NEBL: variants seen among roughly 807,000 people sequenced by gnomAD.
The protein encoded by NEBL is nebulette, also known as LIM and SH3 protein 2.
NEBL carries 122 observed loss-of-function variants against 140.2 expected under a neutral mutation model. The observed-to-expected ratio is 0.87, with a 90% CI of 0.75 to 1.01. NEBL has a LOEUF of 1.01. Ranked by LOEUF, NEBL falls within the 50% of genes least tolerant of loss-of-function variation. NEBL has a pLI of 0.00. For missense variants in NEBL, 1,365 were observed against 1,231.3 expected, an observed-to-expected ratio of 1.11 and a Z score of -1.62; for synonymous variants, 436 against 398.9, an observed-to-expected ratio of 1.09 and a Z score of -1.11.
chr10:21,160,118 A>T (rs1840495773), intron 2 of NEBL, among the ~76,000 whole-genome samples: 1 of 152,156 alleles, frequency 6.6e-6, no homozygotes, highest in Non-Finnish European at 1.5e-5. Context: ...TCCCATTCAG[A>T]GTAAAGGTTC....
At chr10:21,281,781 C>T (rs1842997019) in intron 1 of NEBL, among the ~76,000 whole-genome samples, 1 of 152,142 alleles carries the variant, frequency 6.6e-6, no homozygotes, top group Admixed American at 6.5e-5. Flanking sequence ...AAGGAACCTA[C>T]AGGATAATTT....
At chr10:20,864,058 C>T (rs1330868772) in intron 7 of NEBL, among the ~76,000 whole-genome samples, 1 of 152,090 alleles carries the variant, frequency 6.6e-6, no homozygotes, top group African/African-American at 2.4e-5. Context: ...GTTTAAAACC[C>T]ATTCTTATCA....
intron 17 of NEBL, among the ~76,000 whole-genome samples, chr10:20,828,103 T>C (rs1324945776): frequency 6.6e-6 from 1 of 152,014 alleles, no homozygotes; most frequent in Non-Finnish European, 1.5e-5. Flanking sequence ...GCTGATGCAA[T>C]TCCTCTTCCT....
At chr10:21,265,077 C>T (rs11012626) in intron 1 of NEBL, among the ~76,000 whole-genome samples, 2 of 151,934 alleles carry the variant, frequency 1.3e-5, no homozygotes, top group Admixed American at 6.6e-5. Flanking sequence ...TGTGCGCCAC[C>T]GTGCCCGACT....
chr10:20,833,228 G>GT (rs1300481442), intron 14 of NEBL, among the ~76,000 whole-genome samples: 7 of 152,124 alleles, frequency 4.6e-5, no homozygotes, highest in Non-Finnish European at 8.8e-5. Context: ...GCAGAAGTGT[G>GT]TTTATAGTCT....
chr10:21,167,091 C>G (rs544398162), intron 2 of NEBL, among the ~76,000 whole-genome samples: 1 of 152,322 alleles, frequency 6.6e-6, no homozygotes, highest in Admixed American at 6.5e-5. Flanking sequence ...CTGTGCTGAC[C>G]GTTCTGGGTG....
chr10:21,022,384 G>A (rs1374473385), intron 2 of NEBL, among the ~76,000 whole-genome samples: 3 of 152,164 alleles, frequency 2.0e-5, no homozygotes, highest in Admixed American at 6.5e-5. Flanking sequence ...ATTTGTCGGT[G>A]CAGATAAAGC....
chr10:20,791,325 A>G (rs1257324001), intron 26 of NEBL, among the ~76,000 whole-genome samples: 2 of 152,224 alleles, frequency 1.3e-5, no homozygotes, highest in African/African-American at 4.8e-5. Flanking sequence ...GAAAGAGATA[A>G]AACCAAGATA....
At chr10:21,278,758 A>T (rs1343060522) in intron 1 of NEBL, among the ~76,000 whole-genome samples, 3 of 152,190 alleles carry the variant, frequency 2.0e-5, no homozygotes, top group Non-Finnish European at 4.4e-5. Context: ...TGTGGATTTG[A>T]GGCCCAGAGA....
At chr10:20,833,428 C>A (rs1022464031) in intron 14 of NEBL, among the ~76,000 whole-genome samples, 1 of 152,048 alleles carries the variant, frequency 6.6e-6, no homozygotes, top group Non-Finnish European at 1.5e-5. Flanking sequence ...ATGATCTGAG[C>A]CTGTCATTTA....
chr10:21,267,432 T>G (rs1256677092), intron 1 of NEBL, among the ~76,000 whole-genome samples: 1 of 152,238 alleles, frequency 6.6e-6, no homozygotes, highest in Non-Finnish European at 1.5e-5. Context: ...TGATGTGTCT[T>G]ATTTGGATAG....
At chr10:21,119,635 A>G (rs1838437761) in intron 2 of NEBL, among the ~76,000 whole-genome samples, 1 of 152,032 alleles carries the variant, frequency 6.6e-6, no homozygotes, top group Admixed American at 6.6e-5. Context: ...AGTAGCAAGC[A>G]TTATGACAAT....
chr10:21,144,564 A>AC (rs1416305133), intron 2 of NEBL, among the ~76,000 whole-genome samples: 1 of 152,174 alleles, frequency 6.6e-6, no homozygotes, highest in Non-Finnish European at 1.5e-5. Flanking sequence ...TGTCTGGACT[A>AC]AAAATACAAA....
At chr10:20,904,861 G>A (rs79863963) in intron 4 of NEBL, among the ~76,000 whole-genome samples, 1 of 152,252 alleles carries the variant, frequency 6.6e-6, no homozygotes. Context: ...GCCAGAAAGA[G>A]AGCAGGCTTG....
intron 4 of NEBL, among the ~76,000 whole-genome samples, chr10:20,952,933 A>T (rs557458753): frequency 8.0e-5 from 12 of 150,932 alleles, no homozygotes; most frequent in Non-Finnish European, 1.3e-4. Flanking sequence ...AAAGAAAAAG[A>T]AAAAAGAAAA....
intron 13 of NEBL, among the ~76,000 whole-genome samples, chr10:20,839,575 A>G (rs181060508): frequency 1.3e-5 from 2 of 152,246 alleles, no homozygotes; most frequent in Admixed American, 6.5e-5. Flanking sequence ...GTGCCTTTTA[A>G]ATGTTTCCTT....
chr10:21,014,743 G>A (rs777184024), intron 3 of NEBL, among the ~76,000 whole-genome samples: 26 of 152,286 alleles, frequency 1.7e-4, no homozygotes, highest in South Asian at 6.2e-4. Context: ...GGCAAGCCAC[G>A]TTACTGCCTT....
At position 20,871,299 on chromosome 10, in the gene NEBL, A is replaced by C. The variant is rs1383904689; in HGVS notation, c.481-1458T>G. ...AGGTCCAGCCACAATCCTCTGTAAC[A>C]GAATTTTGACAGATGGTGCCCAAAA... On this transcript the variant is annotated intron_variant, in intron 5 of 27. Transcript: ENST00000377122. 4.6e-5 allele frequency among the ~76,000 whole-genome samples: 7 copies of C among 152,342 alleles called. No individual in the cohort carries two copies. The South Asian group carries it at 1.4e-3, about 32-fold the overall frequency.
At chr10:20,798,779 T>C (rs1836817932) in intron 26 of NEBL, among the ~76,000 whole-genome samples, 1 of 152,222 alleles carries the variant, frequency 6.6e-6, no homozygotes, top group African/African-American at 2.4e-5. Flanking sequence ...AAGTGTCAGA[T>C]GTTTCTCCTT....
Sources: gnomAD v4.1 joint callset for allele counts (sites outside exome capture counted in the v4.1 genomes callset) on GRCh38, gnomAD v4.1.1 for gene constraint, MANE v1.5 for transcripts, NCBI Gene and HGNC (gene_info 2026-07-23, HGNC 2026-07-21) for gene names.